The following PHACTR2 variants were observed in gnomAD, a reference collection of about 807,000 sequenced individuals.
The protein encoded by PHACTR2 is chromosome 6 open reading frame 56.
PHACTR2 carries 30 observed loss-of-function variants against 76.0 expected under a neutral mutation model. That is an observed-to-expected ratio of 0.39 (90% CI 0.30 to 0.54). PHACTR2 has a LOEUF of 0.54. Ranked by LOEUF, PHACTR2 falls within the 20% of genes least tolerant of loss-of-function variation. PHACTR2 has a pLI of 0.61. For missense variants in PHACTR2, 696 were observed against 781.1 expected (o/e 0.89, Z 1.30); for synonymous variants, 292 against 292.5 (o/e 1.00, Z 0.02).
Position 143,602,779 on chromosome 6 carries a change from A to G in PHACTR2, c.217+65572A>G, listed in dbSNP as rs1032235734. Among the ~76,000 whole-genome samples the G allele has an allele frequency of 9.9e-4, 151 of 152,300 alleles. No individual in the cohort carries two copies. The highest frequency in any genetic ancestry group is 3.5e-3 in the African/African-American group (146 of 41,554). ...GACTGTGTCTGATGGATGTTGCCTT[A>G]TGTAAGGTCCAGACACCAGGCAATC... On this transcript the variant is annotated intron_variant, in intron 1 of 11. Coordinates refer to the PHACTR2 transcript ENST00000367584. This position sits in a 1 kb window ranked among gnomAD's most constrained non-coding sequence, Gnocchi z 6.1.
rs143856799 is a variant in PHACTR2 at position 143,725,139 on chromosome 6, C to T, written c.214+12956C>T. On this transcript the variant is annotated intron_variant, in intron 2 of 12. Transcript: ENST00000440869. ...TAATATACGTATAGTTTTGCATAAT[C>T]GCTACCACAGTCAGGATATATCAGA... Among the ~76,000 whole-genome samples, 232 of 149,908 alleles carry T rather than the reference C, an allele frequency of 1.5e-3. 2 individuals are homozygous for T. The highest frequency in any genetic ancestry group is 7.1e-3 in the East Asian group (36 of 5,052).
rs1775802607 is a variant in PHACTR2 at position 143,795,391 on chromosome 6, G to A, written c.1845+6481G>A. On this transcript the variant is annotated intron_variant, in intron 11 of 12. Transcript: ENST00000440869. The surrounding 1 kb of genome is among the most constrained non-coding windows in gnomAD (Gnocchi z 4.8). ...ATTGTGCCACTGCACTGCAGCCTGG[G>A]CAACAGAATGAGACCCTGTCTCTAA... Among the ~76,000 whole-genome samples, 1 of 152,192 alleles carries A rather than the reference G, an allele frequency of 6.6e-6. No individual in the cohort carries two copies. The highest frequency in any genetic ancestry group is 2.1e-4 in the South Asian group (1 of 4,828).
chr6:143,812,792 G>A (rs558160729), intron 12 of PHACTR2, among the ~76,000 whole-genome samples: 29 of 152,266 alleles, frequency 1.9e-4, no homozygotes, highest in Admixed American at 3.3e-4. Context: ...CCATTTGAGG[G>A]TGATAGATCA....
chr6:143,827,155 AATATATATATATATATATAT>A lies in PHACTR2; in HGVS notation c.*3491_*3510del, dbSNP rs67124785. On this transcript the variant is annotated 3_prime_UTR_variant, in exon 13 of 13. Transcript: ENST00000440869. ...GGGCTGCGTTGGCATTAAAAAAGAA[AATATATATATATATATATAT>A]ATATATATATATATATATATATATG... 594 of 77,262 alleles carry A rather than the reference AATATATATATATATATATAT, an allele frequency of 7.7e-3. 10 individuals are homozygous for A. Among genetic ancestry groups the A allele is most frequent in the African/African-American group, 0.026 (515 of 20,104 alleles). 4.8% of individuals were successfully genotyped at this position (77,262 alleles called of 1,614,324 possible).
chr6:143,657,735 A>C (rs1489160805), intron 1 of PHACTR2, among the ~76,000 whole-genome samples: 1 of 152,148 alleles, frequency 6.6e-6, no homozygotes, highest in African/African-American at 2.4e-5. Context: ...TACTGGCGTG[A>C]GATTGTCTGT....
At position 143,789,817 on chromosome 6, in the gene PHACTR2, C is replaced by T. The variant is rs138837130; in HGVS notation, c.1845+907C>T. Among the ~76,000 whole-genome samples, 442 of 152,200 alleles carry T rather than the reference C, an allele frequency of 2.9e-3. No homozygotes were observed. The highest frequency in any genetic ancestry group is 5.4e-3 in the Non-Finnish European group (368 of 68,008). On this transcript the variant is annotated intron_variant, in intron 11 of 12. Transcript: ENST00000440869. The surrounding 1 kb of genome is among the most constrained non-coding windows in gnomAD (Gnocchi z 5.1). ...ATGCATCAAGCATATACTGGAGATACAGATTCAGAAATCCTTAGCTCATAA... is the reference window on the plus strand; with the variant it reads ...ATGCATCAAGCATATACTGGAGATATAGATTCAGAAATCCTTAGCTCATAA...
At chr6:143,797,249 A>C (rs539006763) in intron 11 of PHACTR2, among the ~76,000 whole-genome samples, 2 of 152,100 alleles carry the variant, frequency 1.3e-5, no homozygotes, top group South Asian at 4.1e-4. Context: ...CCATTTTTTG[A>C]TGGGGTTGTT....
Position 143,653,750 on chromosome 6 carries a change from A to G in PHACTR2, c.13+45428A>G, listed in dbSNP as rs1776801594. On this transcript the variant is annotated intron_variant, in intron 1 of 11. Transcript: ENST00000305766. This position sits in a 1 kb window ranked among gnomAD's most constrained non-coding sequence, Gnocchi z 4.9. ...GATCAAAGACCTAGATGTAAGAGCTAAAACTATAACAGGCTTAGAAGAAAA... is the reference window on the plus strand; with the variant it reads ...GATCAAAGACCTAGATGTAAGAGCTGAAACTATAACAGGCTTAGAAGAAAA... 6.6e-6 allele frequency among the ~76,000 whole-genome samples: 1 copy of G among 152,150 alleles called. No homozygotes were observed. The highest frequency in any genetic ancestry group is 2.4e-5 in the African/African-American group (1 of 41,438).
rs1023365138 is a variant in PHACTR2 at position 143,616,903 on chromosome 6, G to T, written c.13+8581G>T. On this transcript the variant is annotated intron_variant, in intron 1 of 11. Transcript: ENST00000305766. This position sits in a 1 kb window ranked among gnomAD's most constrained non-coding sequence, Gnocchi z 4.9. ...AGCTGAGTGGCCGGCAAACACACAC[G>T]CCCCCAGACAGGACGTTGACTGGGA... Among the ~76,000 whole-genome samples, 1 of 152,042 alleles carries T rather than the reference G, an allele frequency of 6.6e-6. No individual in the cohort carries two copies. The highest frequency in any genetic ancestry group is 2.1e-4 in the South Asian group (1 of 4,812).
chr6:143,631,390 C>T lies in PHACTR2; in HGVS notation c.13+23068C>T, dbSNP rs550503738. Among the ~76,000 whole-genome samples, 4 of 152,178 alleles carry T rather than the reference C, an allele frequency of 2.6e-5. No individual in the cohort carries two copies. In the South Asian group the frequency reaches 8.3e-4, roughly 32 times the overall value. ...AAAATTTTTTTTAGAGATAGGGTCTCACTGTGCTGCCCAGTCTGGTCTTAA... is the reference window on the plus strand; with the variant it reads ...AAAATTTTTTTTAGAGATAGGGTCTTACTGTGCTGCCCAGTCTGGTCTTAA... On this transcript the variant is annotated intron_variant, in intron 1 of 11. Transcript: ENST00000305766.
chr6:143,756,217 C>G (rs913418586), intron 4 of PHACTR2, among the ~76,000 whole-genome samples: 14 of 152,184 alleles, frequency 9.2e-5, no homozygotes, highest in Admixed American at 7.2e-4. Context: ...GTCCTTCACA[C>G]TTGCTCTGTG....
chr6:143,685,676 A>G (rs1383839309), intron 1 of PHACTR2, among the ~76,000 whole-genome samples: 2 of 149,536 alleles, frequency 1.3e-5, no homozygotes, highest in Non-Finnish European at 3.0e-5. Flanking sequence ...AATAAGGTTT[A>G]AGCAATTAAA....
At position 143,822,608 on chromosome 6, in the gene PHACTR2, A is replaced by G. The variant is rs1218647353; in HGVS notation, c.1923-1066A>G. Among the ~76,000 whole-genome samples, 2 of 152,208 alleles carry G rather than the reference A, an allele frequency of 1.3e-5. No individual in the cohort carries two copies. Among genetic ancestry groups the G allele is most frequent in the African/African-American group, 4.8e-5 (2 of 41,460 alleles). ...TGAGGAGCATAGATTTGATGGAGAG[A>G]GCCTGGGACAGGGAAACCAATTAGG... On this transcript the variant is annotated intron_variant, in intron 12 of 12. Transcript: ENST00000440869. This position sits in a 1 kb window ranked among gnomAD's most constrained non-coding sequence, Gnocchi z 5.5.
At position 143,652,119 on chromosome 6, in the gene PHACTR2, A is replaced by G. The variant is rs996566774; in HGVS notation, c.13+43797A>G. On this transcript the variant is annotated intron_variant, in intron 1 of 11. Coordinates refer to the PHACTR2 transcript ENST00000305766. The surrounding 1 kb of genome is among the most constrained non-coding windows in gnomAD (Gnocchi z 4.5). Reference sequence around the variant, plus strand: ...CTGGTGATTCTGCTTTATACTAAAAATGATGGCGGTGATGGGGGAACCGTT... The same window carrying G: ...CTGGTGATTCTGCTTTATACTAAAAGTGATGGCGGTGATGGGGGAACCGTT... 2.0e-5 allele frequency among the ~76,000 whole-genome samples: 3 copies of G among 151,690 alleles called. No individual in the cohort carries two copies. The highest frequency in any genetic ancestry group is 7.2e-5 in the African/African-American group (3 of 41,392).
At chr6:143,655,695 G>A (rs968278649) in intron 1 of PHACTR2, among the ~76,000 whole-genome samples, 1 of 152,186 alleles carries the variant, frequency 6.6e-6, no homozygotes, top group African/African-American at 2.4e-5. Context: ...AAAGATTACT[G>A]CAATGTAGTG....
In PHACTR2 at chr6:143,695,538, C is replaced by G. The variant is rs956343121; in HGVS notation, c.47-16478C>G. Among the ~76,000 whole-genome samples the G allele has an allele frequency of 6.6e-6, 1 of 152,132 alleles. No homozygotes were observed. The highest frequency in any genetic ancestry group is 1.5e-5 in the Non-Finnish European group (1 of 68,012). On this transcript the variant is annotated intron_variant, in intron 1 of 12. Coordinates refer to ENST00000440869, the MANE Select transcript of PHACTR2 (RefSeq NM_001100164.2). This position sits in a 1 kb window ranked among gnomAD's most constrained non-coding sequence, Gnocchi z 4.4. ...TTGCTTGTGGTTTTGCAGTGCCAGT[C>G]CAGGTTTATTTTCATTGCTGGGCAC...
intron 1 of PHACTR2, among the ~76,000 whole-genome samples, chr6:143,704,167 A>G (rs936728712): frequency 6.6e-6 from 1 of 150,718 alleles, no homozygotes; most frequent in African/African-American, 2.4e-5. Context: ...TTGTTTACAC[A>G]GTAACTGTGG....
rs1297434973 is a variant in PHACTR2, at chr6:143,596,307, GCTAA to G, written c.217+59105_217+59108del. Reference sequence around the variant, plus strand: ...TGTTCTGTTTTCCAAGTTGGGAGCGGCTAACTAAGCGGGTCGTCCTTTCTCAGAA... The same window carrying G: ...TGTTCTGTTTTCCAAGTTGGGAGCGGCTAAGCGGGTCGTCCTTTCTCAGAA... On this transcript the variant is annotated intron_variant, in intron 1 of 11. Transcript: ENST00000367584. This position sits in a 1 kb window ranked among gnomAD's most constrained non-coding sequence, Gnocchi z 4.6. Among the ~76,000 whole-genome samples, 1 of 151,790 alleles carries G rather than the reference GCTAA, an allele frequency of 6.6e-6. No individual in the cohort carries two copies. Among genetic ancestry groups the G allele is most frequent in the Non-Finnish European group, 1.5e-5 (1 of 67,988 alleles).
chr6:143,641,417 C>T lies in PHACTR2; in HGVS notation c.13+33095C>T, dbSNP rs928456538. On this transcript the variant is annotated intron_variant, in intron 1 of 11. Coordinates refer to the PHACTR2 transcript ENST00000305766. This position sits in a 1 kb window ranked among gnomAD's most constrained non-coding sequence, Gnocchi z 5.8. ...GGATTCTCCTCCAGTGCCTTGAGAA[C>T]GAGCACTGCCCTGCCAATTCCTGAC... Among the ~76,000 whole-genome samples, 5 of 152,162 alleles carry T rather than the reference C, an allele frequency of 3.3e-5. No individual in the cohort carries two copies. Among genetic ancestry groups the T allele is most frequent in the Admixed American group, 2.0e-4 (3 of 15,276 alleles).
Sources: allele counts gnomAD v4.1 joint callset (sites outside exome capture counted in the v4.1 genomes callset), GRCh38; gene constraint gnomAD v4.1.1; non-coding constraint Gnocchi (gnomAD v3.1); transcripts MANE v1.5; gene names NCBI Gene and HGNC (gene_info 2026-07-23, HGNC 2026-07-21).